The following AUTS2 variants were observed in gnomAD, a reference collection of about 807,000 sequenced individuals.
The protein encoded by AUTS2 is autism susceptibility gene 2 protein.
In AUTS2, 17 loss-of-function variants were observed where a neutral mutation model predicts 112.4. That is an observed-to-expected ratio of 0.15 (90% confidence interval 0.10 to 0.23). AUTS2 has a LOEUF of 0.23. AUTS2 is among the 10% of genes least tolerant of loss of function. The pLI is 1.00. For synonymous variants in AUTS2, 751 were observed against 702.7 expected (o/e 1.07, Z -1.09); for missense variants, 1,510 against 1,701.6 (o/e 0.89, Z 1.98).
In AUTS2 at chr7:70,413,704, G is replaced by C. The variant is rs1409793755; in HGVS notation, c.661-22048G>C. Reference sequence around the variant, plus strand: ...TTTTGTTTTGTTTTTTTGAGACAGGGTCTCACTTTGTCACCCAGGCTGGAG... The same window carrying C: ...TTTTGTTTTGTTTTTTTGAGACAGGCTCTCACTTTGTCACCCAGGCTGGAG... On this transcript the variant is annotated intron_variant, in intron 4 of 18. Coordinates refer to ENST00000342771, the MANE Select transcript of AUTS2 (RefSeq NM_015570.4). Among the ~76,000 whole-genome samples, 3 of 151,822 alleles carry C rather than the reference G, an allele frequency of 2.0e-5. No homozygotes were observed. The East Asian group carries it at 5.8e-4, about 29-fold the overall frequency.
At chr7:70,310,665 T>C (rs1585003569) in intron 4 of AUTS2, among the ~76,000 whole-genome samples, 1 of 151,024 alleles carries the variant, frequency 6.6e-6, no homozygotes, top group African/African-American at 2.4e-5. Flanking sequence ...GACTTTGGGG[T>C]GGGCCTTGAT....
At chr7:70,440,267 G>A (rs935714904) in intron 5 of AUTS2, among the ~76,000 whole-genome samples, 24 of 151,078 alleles carry the variant, frequency 1.6e-4, no homozygotes, top group African/African-American at 4.4e-4. Flanking sequence ...ACTTAACCAG[G>A]CATGGTGGCA....
At chr7:70,402,945 C>G (rs1794386932) in intron 4 of AUTS2, among the ~76,000 whole-genome samples, 1 of 152,074 alleles carries the variant, frequency 6.6e-6, no homozygotes, top group African/African-American at 2.4e-5. Context: ...TTTGGCATCC[C>G]TAGTTTGGAT....
At chr7:69,715,420 A>G (rs1402029505) in intron 1 of AUTS2, among the ~76,000 whole-genome samples, 1 of 152,124 alleles carries the variant, frequency 6.6e-6, no homozygotes, top group Non-Finnish European at 1.5e-5. Context: ...CAGATATTTC[A>G]TAGGCCACTG....
At chr7:69,826,564 T>C (rs1289764025) in intron 1 of AUTS2, among the ~76,000 whole-genome samples, 3 of 152,214 alleles carry the variant, frequency 2.0e-5, no homozygotes, top group Non-Finnish European at 2.9e-5. Context: ...CTATTAATAT[T>C]AAGCATCTTG....
intron 1 of AUTS2, among the ~76,000 whole-genome samples, chr7:69,690,766 C>T (rs1043428595): frequency 6.6e-6 from 1 of 152,210 alleles, no homozygotes; most frequent in Non-Finnish European, 1.5e-5. Flanking sequence ...TTTCTCGTCA[C>T]CTGCAATGTG....
intron 4 of AUTS2, among the ~76,000 whole-genome samples, chr7:70,307,816 T>C (rs1376729073): frequency 6.6e-6 from 1 of 152,082 alleles, no homozygotes; most frequent in Non-Finnish European, 1.5e-5. Context: ...CCATAAAATA[T>C]AGGATATAAC....
intron 1 of AUTS2, among the ~76,000 whole-genome samples, chr7:69,712,048 A>G (rs1026043768): frequency 6.6e-6 from 1 of 152,140 alleles, no homozygotes; most frequent in Non-Finnish European, 1.5e-5. Context: ...TTAGGCATCA[A>G]TTCAGTATAA....
chr7:69,868,638 C>A (rs1396004010), intron 1 of AUTS2, among the ~76,000 whole-genome samples: 1 of 152,146 alleles, frequency 6.6e-6, no homozygotes, highest in Admixed American at 6.6e-5. Flanking sequence ...TGCTTTTTAC[C>A]AAGCCTGTGC....
chr7:70,789,544 C>T (rs1791735708), intron 18 of AUTS2, among the ~76,000 whole-genome samples: 1 of 152,084 alleles, frequency 6.6e-6, no homozygotes, highest in African/African-American at 2.4e-5. Context: ...TCCATCTCCC[C>T]CATTAAGCTT....
At chr7:70,139,251 G>A (rs1310689143) in intron 4 of AUTS2, among the ~76,000 whole-genome samples, 1 of 152,192 alleles carries the variant, frequency 6.6e-6, no homozygotes, top group Non-Finnish European at 1.5e-5. Flanking sequence ...ACAGGCGTGA[G>A]CCACCATGCC....
At chr7:70,406,011 C>T (rs1001234884) in intron 4 of AUTS2, among the ~76,000 whole-genome samples, 2 of 152,006 alleles carry the variant, frequency 1.3e-5, no homozygotes, top group Non-Finnish European at 1.5e-5. Context: ...GTGGTGGTGG[C>T]GGCCTGGTGG....
intron 4 of AUTS2, among the ~76,000 whole-genome samples, chr7:70,317,698 C>G (rs117611502): frequency 1.3e-5 from 2 of 152,132 alleles, no homozygotes; most frequent in East Asian, 3.9e-4. Context: ...ACAAAAAGCT[C>G]CCTCAGGCTG....
chr7:69,606,379 A>T (rs577589424), intron 1 of AUTS2, among the ~76,000 whole-genome samples: 1 of 152,310 alleles, frequency 6.6e-6, no homozygotes, highest in Admixed American at 6.5e-5. Context: ...CGAGATTTGG[A>T]AGCCTTTGGA....
intron 2 of AUTS2, among the ~76,000 whole-genome samples, chr7:70,049,222 C>T (rs1172523937): frequency 6.6e-6 from 1 of 152,146 alleles, no homozygotes; most frequent in Admixed American, 6.6e-5. Flanking sequence ...TATATAGTCA[C>T]ATTTCAATGA....
intron 1 of AUTS2, among the ~76,000 whole-genome samples, chr7:69,641,480 G>T (rs1215481226): frequency 6.6e-6 from 1 of 151,778 alleles, no homozygotes; most frequent in East Asian, 1.9e-4. Context: ...GGATAGAGTT[G>T]TCTTTGTCCC....
chr7:69,935,500 A>T (rs1451527511), intron 2 of AUTS2, among the ~76,000 whole-genome samples: 1 of 152,182 alleles, frequency 6.6e-6, no homozygotes, highest in Non-Finnish European at 1.5e-5. Context: ...CCAGCCTATT[A>T]TGTTGGGAGA....
At chr7:70,495,251 A>G (rs1198080279) in intron 5 of AUTS2, among the ~76,000 whole-genome samples, 1 of 151,510 alleles carries the variant, frequency 6.6e-6, no homozygotes, top group Non-Finnish European at 1.5e-5. Context: ...AAAAAAAAAA[A>G]AAAAAAAAGC....
intron 4 of AUTS2, among the ~76,000 whole-genome samples, chr7:70,334,114 TCCAG>T (rs1790881647): frequency 6.6e-6 from 1 of 152,186 alleles, no homozygotes; most frequent in Non-Finnish European, 1.5e-5. Flanking sequence ...GGGTAGAACT[TCCAG>T]TGCAATGTTG....
Sources: allele counts gnomAD v4.1 joint callset (sites outside exome capture counted in the v4.1 genomes callset), GRCh38; gene constraint gnomAD v4.1.1; transcripts MANE v1.5; gene names NCBI Gene and HGNC (gene_info 2026-07-23, HGNC 2026-07-21).